RERE: variants seen among roughly 807,000 people sequenced by gnomAD.
The protein encoded by RERE is arginine-glutamic acid dipeptide repeats, also known as arginine-glutamic acid dipeptide repeats protein.
RERE carries 40 observed loss-of-function variants against 146.1 expected under a neutral mutation model. That is an observed-to-expected ratio of 0.27 (90% CI 0.21 to 0.36). The LOEUF (loss-of-function observed/expected upper bound fraction) is 0.36. Ranked by LOEUF, RERE falls within the 10% of genes least tolerant of loss-of-function variation. The pLI, the probability that RERE is intolerant of heterozygous loss-of-function variation, is 1.00. For missense variants in RERE, 1,933 were observed against 2,138.7 expected, an observed-to-expected ratio of 0.90 and a Z score of 1.90; for synonymous variants, 1,003 against 866.0, an observed-to-expected ratio of 1.16 and a Z score of -2.78.
At chr1:8,612,787 A>G (rs140626064) in intron 4 of RERE, among the ~76,000 whole-genome samples, 2 of 152,334 alleles carry the variant, frequency 1.3e-5, no homozygotes, top group African/African-American at 4.8e-5. Flanking sequence ...GGTAATTGCT[A>G]AAGGCTGAAG....
In RERE at chr1:8,516,735, G is replaced by T. The variant is rs550877101; in HGVS notation, c.831-8060C>A. ...CACAATTAATTACAAACAGAATGAT[G>T]AGAATCCATATCCCTTTCCCTATTT... On this transcript the variant is annotated intron_variant, in intron 7 of 22. Coordinates refer to ENST00000400908, the MANE Select transcript of RERE (RefSeq NM_001042681.2). 2.0e-5 allele frequency among the ~76,000 whole-genome samples: 3 copies of T among 152,260 alleles called. No homozygotes were observed. The South Asian group carries it at 6.2e-4, about 32-fold the overall frequency.
At chr1:8,435,059 C>T (rs1644150051) in intron 11 of RERE, among the ~76,000 whole-genome samples, 1 of 152,214 alleles carries the variant, frequency 6.6e-6, no homozygotes, top group South Asian at 2.1e-4. Context: ...TGTTACATAG[C>T]GATAGGCAAC....
intron 11 of RERE, among the ~76,000 whole-genome samples, chr1:8,425,462 G>A (rs1456164514): frequency 5.9e-5 from 9 of 152,064 alleles, no homozygotes; most frequent in African/African-American, 1.9e-4. Context: ...GAATGCCTTC[G>A]CCAAGGCAGT....
At chr1:8,529,287 C>CTTTTTTTTTTTTTTTT (rs34547801) in intron 7 of RERE, among the ~76,000 whole-genome samples, 25 of 102,442 alleles carry the variant, frequency 2.4e-4, no homozygotes, top group African/African-American at 7.3e-4. Context: ...GTTCTCCCTT[C>CTTTTTTTTTTTTTTTT]TTTTTTTTTT....
chr1:8,381,632 A>C (rs966074548), intron 12 of RERE, among the ~76,000 whole-genome samples: 3 of 152,262 alleles, frequency 2.0e-5, no homozygotes, highest in Non-Finnish European at 4.4e-5. Flanking sequence ...AAAACAAAAC[A>C]AAATGAAAAC....
intron 12 of RERE, among the ~76,000 whole-genome samples, chr1:8,378,123 T>G (rs755041230): frequency 3.3e-5 from 5 of 152,216 alleles, no homozygotes; most frequent in African/African-American, 4.8e-5. Context: ...CTCACTGCAT[T>G]ACCTTTAATA....
chr1:8,394,161 A>C (rs1255603938), intron 12 of RERE, among the ~76,000 whole-genome samples: 1 of 152,198 alleles, frequency 6.6e-6, no homozygotes, highest in Non-Finnish European at 1.5e-5. Flanking sequence ...TCAATTTCTA[A>C]TGCAGGTGGC....
intron 12 of RERE, 135 bp downstream of exon 12, chr1:8,422,592 G>A: frequency 1.6e-6 from 1 of 631,350 alleles, no homozygotes; most frequent in Non-Finnish European, 2.9e-6. Flanking sequence ...GAGTAAAACG[G>A]AGAGAATTCT....
chr1:8,694,939 C>CA (rs1639290588), intron 1 of RERE, among the ~76,000 whole-genome samples: 2 of 109,422 alleles, frequency 1.8e-5, no homozygotes, highest in South Asian at 2.8e-4. Context: ...CATATGAAAC[C>CA]AAAAAAAGTA....
rs185921661 is a variant in RERE at position 8,438,482 on chromosome 1, C to G, written c.1204-15675G>C. ...ATTTCAGGTTCACAGCAAAACGGAA[C>G]AGAAGGTATAGGGATTTCCCATATA... On this transcript the variant is annotated intron_variant, in intron 11 of 22. Coordinates refer to ENST00000400908, the MANE Select transcript of RERE (RefSeq NM_001042681.2). Among the ~76,000 whole-genome samples the G allele has an allele frequency of 9.8e-5, 15 of 152,324 alleles. No homozygotes were observed. The East Asian group carries it at 2.9e-3, about 29-fold the overall frequency.
At chr1:8,574,515 A>G (rs1159632237) in intron 4 of RERE, among the ~76,000 whole-genome samples, 1 of 151,634 alleles carries the variant, frequency 6.6e-6, no homozygotes, top group East Asian at 1.9e-4. Context: ...CGGCTAATAT[A>G]TTTTTGTATT....
chr1:8,550,064 T>A (rs534145803), intron 6 of RERE, among the ~76,000 whole-genome samples: 1 of 152,344 alleles, frequency 6.6e-6, no homozygotes, highest in South Asian at 2.1e-4. Flanking sequence ...TGTATCAATG[T>A]TAATTCCCTG....
At chr1:8,603,265 G>A (rs1364114863) in intron 4 of RERE, among the ~76,000 whole-genome samples, 3 of 152,240 alleles carry the variant, frequency 2.0e-5, no homozygotes, top group Admixed American at 2.0e-4. Flanking sequence ...TAAACAAGAT[G>A]GCCTCAATGT....
chr1:8,740,910 T>C (rs1030323040), intron 1 of RERE, among the ~76,000 whole-genome samples: 6 of 152,216 alleles, frequency 3.9e-5, no homozygotes, highest in African/African-American at 1.4e-4. Flanking sequence ...GTAGAGGACG[T>C]ACACTCTAAA....
intron 7 of RERE, among the ~76,000 whole-genome samples, chr1:8,510,790 T>C (rs925065388): frequency 5.3e-5 from 8 of 152,222 alleles, no homozygotes; most frequent in African/African-American, 1.7e-4. Flanking sequence ...CAGTAACTTC[T>C]GCCTGCAGCT....
At chr1:8,405,446 A>G (rs1016978327) in intron 12 of RERE, among the ~76,000 whole-genome samples, 1 of 152,268 alleles carries the variant, frequency 6.6e-6, no homozygotes, top group Non-Finnish European at 1.5e-5. Flanking sequence ...CTCCATAGAT[A>G]CATGCGTTAA....
At chr1:8,677,437 A>AAG (rs796868530) in intron 1 of RERE, among the ~76,000 whole-genome samples, 51 of 151,172 alleles carry the variant, frequency 3.4e-4, no homozygotes, top group African/African-American at 1.2e-3. Context: ...AAAAAAAAAA[A>AAG]AAAGAAAGAA....
At chr1:8,591,116 G>T (rs927129249) in intron 4 of RERE, among the ~76,000 whole-genome samples, 1 of 152,168 alleles carries the variant, frequency 6.6e-6, no homozygotes, top group Non-Finnish European at 1.5e-5. Context: ...AGAGAAGGCT[G>T]CAAGAGATTT....
At chr1:8,618,505 C>T (rs1277684301) in intron 3 of RERE, among the ~76,000 whole-genome samples, 1 of 152,186 alleles carries the variant, frequency 6.6e-6, no homozygotes, top group East Asian at 1.9e-4. Flanking sequence ...GTGCACCTTC[C>T]TGCCCACCCC....
Sources: allele counts gnomAD v4.1 joint callset (sites outside exome capture counted in the v4.1 genomes callset), GRCh38; gene constraint gnomAD v4.1.1; transcripts MANE v1.5; gene names NCBI Gene and HGNC (gene_info 2026-07-23, HGNC 2026-07-21).